The following LEF1 variants were observed in gnomAD, a reference collection of about 807,000 sequenced individuals.
The protein encoded by LEF1 is lymphoid enhancer-binding factor 1.
Under a neutral mutation model 51.2 loss-of-function variants are expected in LEF1, and 14 were observed. That is an observed-to-expected ratio of 0.27 (90% CI 0.18 to 0.43). The LOEUF (loss-of-function observed/expected upper bound fraction) is 0.43, where lower values mean the gene tolerates loss of function less well. Ranked by LOEUF, LEF1 falls within the 20% of genes least tolerant of loss-of-function variation. The pLI, the probability that LEF1 is intolerant of heterozygous loss-of-function variation, is 1.00. For synonymous variants in LEF1, 185 were observed against 183.2 expected (o/e 1.01, Z -0.08); for missense variants, 386 against 512.0 (o/e 0.75, Z 2.37).
At chr4:108,062,761 GGTAA>G (rs1410642545) in intron 11 of LEF1, among the ~76,000 whole-genome samples, 1 of 152,140 alleles carries the variant, frequency 6.6e-6, no homozygotes, top group Non-Finnish European at 1.5e-5. Context: ...CTATGGCAGT[GGTAA>G]GTGTGAGAGA....
chr4:108,118,233 G>A (rs1200444683), intron 3 of LEF1, among the ~76,000 whole-genome samples: 1 of 152,174 alleles, frequency 6.6e-6, no homozygotes, highest in African/African-American at 2.4e-5. Context: ...TAAAAGATGA[G>A]CTTATTAATA....
intron 3 of LEF1, among the ~76,000 whole-genome samples, chr4:108,133,174 A>G (rs1311804418): frequency 2.0e-5 from 3 of 151,962 alleles, no homozygotes; most frequent in Non-Finnish European, 2.9e-5. Flanking sequence ...GGGTTTCACC[A>G]TGTTGGTCAG....
intron 3 of LEF1, among the ~76,000 whole-genome samples, chr4:108,115,009 T>C (rs977956327): frequency 6.6e-6 from 1 of 152,190 alleles, no homozygotes; most frequent in Admixed American, 6.5e-5. Context: ...CGAATTGTGC[T>C]CCCACTGGCC....
intron 9 of LEF1, 67 bp downstream of exon 9, chr4:108,070,596 T>G: frequency 9.4e-7 from 1 of 1,062,796 alleles, no homozygotes; most frequent in Non-Finnish European, 1.5e-6. Context: ...AAAACACATT[T>G]CCTTCTTGAA....
chr4:108,055,901 A>G (rs1167792563), intron 11 of LEF1, among the ~76,000 whole-genome samples: 2 of 152,180 alleles, frequency 1.3e-5, no homozygotes, highest in African/African-American at 4.8e-5. Flanking sequence ...CATGAACCCA[A>G]CCCAATTTCT....
At chr4:108,057,546 G>A (rs1737388227) in intron 11 of LEF1, among the ~76,000 whole-genome samples, 1 of 152,108 alleles carries the variant, frequency 6.6e-6, no homozygotes, top group Non-Finnish European at 1.5e-5. Flanking sequence ...TTGGACACCA[G>A]GCACAGCTCC....
chr4:108,065,976 T>G (rs538195453), intron 9 of LEF1, among the ~76,000 whole-genome samples: 1 of 152,086 alleles, frequency 6.6e-6, no homozygotes, highest in Non-Finnish European at 1.5e-5. Context: ...GATCTTGGCT[T>G]ACTGCAACCT....
chr4:108,115,364 T>C (rs1454644617), intron 3 of LEF1, among the ~76,000 whole-genome samples: 1 of 152,248 alleles, frequency 6.6e-6, no homozygotes, highest in Admixed American at 6.5e-5. Flanking sequence ...TCAGTGGCTA[T>C]GGTGAGTCCA....
chr4:108,067,965 A>G (rs879482642), intron 9 of LEF1, among the ~76,000 whole-genome samples: 1 of 152,052 alleles, frequency 6.6e-6, no homozygotes, highest in Admixed American at 6.6e-5. Flanking sequence ...CTTCAACTAC[A>G]GCAGTCTTAA....
At chr4:108,084,860 A>G (rs966332083) in intron 4 of LEF1, among the ~76,000 whole-genome samples, 1 of 152,078 alleles carries the variant, frequency 6.6e-6, no homozygotes, top group Non-Finnish European at 1.5e-5. Flanking sequence ...ATCATTGAGG[A>G]GGTTTTTCAA....
At chr4:108,126,598 T>A (rs149663196) in intron 3 of LEF1, among the ~76,000 whole-genome samples, 13 of 150,692 alleles carry the variant, frequency 8.6e-5, no homozygotes, top group Middle Eastern at 3.4e-3. Context: ...AGGACAGGAG[T>A]TCGAGACCAG....
chr4:108,078,014 C>T (rs1739023353), intron 8 of LEF1, among the ~76,000 whole-genome samples: 1 of 151,546 alleles, frequency 6.6e-6, no homozygotes, highest in Non-Finnish European at 1.5e-5. Flanking sequence ...GTACTCCAGT[C>T]CAGCTTGGGC....
intron 3 of LEF1, among the ~76,000 whole-genome samples, chr4:108,109,361 T>A (rs1741378944): frequency 6.6e-6 from 1 of 152,156 alleles, no homozygotes; most frequent in South Asian, 2.1e-4. Flanking sequence ...AAGGGACAAG[T>A]TGTTTTCCAG....
chr4:108,058,366 A>G (rs1231363499), intron 11 of LEF1, among the ~76,000 whole-genome samples: 1 of 152,212 alleles, frequency 6.6e-6, no homozygotes, highest in Non-Finnish European at 1.5e-5. Context: ...GTAAACTCAG[A>G]GTCATAATTC....
rs185327168 is a variant in LEF1, at chr4:108,066,104, C to T, written c.1117-1720G>A. 3.9e-5 allele frequency among the ~76,000 whole-genome samples: 6 copies of T among 152,238 alleles called. No homozygotes were observed. In the East Asian group the frequency reaches 1.2e-3, roughly 29 times the overall value. The stretch of plus-strand genomic sequence containing the variant: ...TTTTGGTAAATACGGAGTTTCACCA[C>T]GTTGGCCAGGCTGGCCTTGAACTCC... On this transcript the variant is annotated intron_variant, in intron 9 of 11. Coordinates refer to ENST00000265165, the MANE Select transcript of LEF1 (RefSeq NM_016269.5).
chr4:108,106,391 G>A (rs1276379629), intron 3 of LEF1, among the ~76,000 whole-genome samples: 1 of 152,122 alleles, frequency 6.6e-6, no homozygotes, highest in Admixed American at 6.5e-5. Context: ...AACAGCCTGG[G>A]TGTGCCGGGT....
chr4:108,167,818 C>T lies in LEF1; in HGVS notation c.-51G>A, dbSNP rs1405858770. On this transcript the variant is annotated 5_prime_UTR_variant, in exon 1 of 12. Coordinates refer to ENST00000265165, the MANE Select transcript of LEF1 (RefSeq NM_016269.5). The surrounding 1 kb of genome is among the most constrained non-coding windows in gnomAD (Gnocchi z 5.7). ...CGCTGTGGGAGCACCCGCGCAACAG[C>T]AGGAAAGACAGAGGGGTAACTCAAG... 1 of 1,516,812 alleles carries T rather than the reference C, an allele frequency of 6.6e-7. No homozygotes were observed. Among genetic ancestry groups the T allele is most frequent in the Non-Finnish European group, 9.0e-7 (1 of 1,105,824 alleles). The allele number at this position is 1,516,812 out of a possible 1,614,324, so 94.0% of individuals were successfully genotyped here.
At chr4:108,147,003 G>C (rs891228178) in intron 3 of LEF1, among the ~76,000 whole-genome samples, 1 of 152,082 alleles carries the variant, frequency 6.6e-6, no homozygotes, top group African/African-American at 2.4e-5. Flanking sequence ...AGTGGGGTGC[G>C]GTGGCTCATA....
At chr4:108,153,804 G>A (rs1473648475) in intron 3 of LEF1, among the ~76,000 whole-genome samples, 2 of 152,052 alleles carry the variant, frequency 1.3e-5, no homozygotes, top group African/African-American at 4.8e-5. Context: ...AAATAAATTA[G>A]GCAATCTATT....
Sources: gnomAD v4.1 joint callset for allele counts (sites outside exome capture counted in the v4.1 genomes callset) on GRCh38, gnomAD v4.1.1 for gene constraint, Gnocchi (gnomAD v3.1) non-coding constraint, MANE v1.5 for transcripts, NCBI Gene and HGNC (gene_info 2026-07-23, HGNC 2026-07-21) for gene names.